The following PHF20 variants were observed in gnomAD, a reference collection of about 807,000 sequenced individuals.
The protein encoded by PHF20 is glioma-expressed antigen 2.
Under a neutral mutation model 113.5 loss-of-function variants are expected in PHF20, and 23 were observed. The observed-to-expected ratio is 0.20, with a 90% confidence interval of 0.15 to 0.29. The LOEUF (loss-of-function observed/expected upper bound fraction) is 0.29, where lower values mean the gene tolerates loss of function less well. Ranked by LOEUF, PHF20 falls within the 10% of genes least tolerant of loss-of-function variation. The pLI is 1.00. For missense variants in PHF20, 943 were observed against 1,219.6 expected, an observed-to-expected ratio of 0.77 and a Z score of 3.38; for synonymous variants, 434 against 457.3, an observed-to-expected ratio of 0.95 and a Z score of 0.65.
intron 3 of PHF20, among the ~76,000 whole-genome samples, 188 bp downstream of exon 3, chr20:35,842,932 G>A (rs910047429): frequency 1.3e-5 from 2 of 152,036 alleles, no homozygotes; most frequent in Non-Finnish European, 2.9e-5. Context: ...TTTTTGAGAC[G>A]GAGTCTCGCT....
chr20:35,863,921 G>T (rs1022492191), intron 6 of PHF20, among the ~76,000 whole-genome samples: 4 of 152,200 alleles, frequency 2.6e-5, no homozygotes, highest in Non-Finnish European at 5.9e-5. Context: ...TAAATAAAAA[G>T]CCGAGATGGC....
At chr20:35,864,407 AACAC>A (rs376477234) in intron 6 of PHF20, among the ~76,000 whole-genome samples, 7,751 of 132,422 alleles carry the variant, frequency 0.059, 255 homozygotes, top group African/African-American at 0.1. Flanking sequence ...CCCATCTCAA[AACAC>A]ACACACACAC....
intron 9 of PHF20, among the ~76,000 whole-genome samples, chr20:35,881,849 CAT>C (rs1157722848): frequency 4.6e-5 from 7 of 152,234 alleles, no homozygotes; most frequent in Non-Finnish European, 1.0e-4. Flanking sequence ...GCCTCAGGGC[CAT>C]ACACTGGCCT....
At chr20:35,786,875 A>T (rs1010835180) in intron 1 of PHF20, among the ~76,000 whole-genome samples, 1 of 152,108 alleles carries the variant, frequency 6.6e-6, no homozygotes, top group African/African-American at 2.4e-5. Context: ...GCACGCAAGG[A>T]GTAATAATAG....
At chr20:35,806,200 G>A (rs1350479539) in intron 2 of PHF20, among the ~76,000 whole-genome samples, 1 of 107,394 alleles carries the variant, frequency 9.3e-6, no homozygotes, top group Non-Finnish European at 1.8e-5. Context: ...TCACTCTGTT[G>A]CCTAGGCTGG....
At position 35,909,901 on chromosome 20, in the gene PHF20, T is replaced by C. The variant is rs536753747; in HGVS notation, c.1562-3348T>C. Among the ~76,000 whole-genome samples the C allele has an allele frequency of 5.9e-5, 9 of 152,334 alleles. No homozygotes were observed. In the South Asian group the frequency reaches 1.9e-3, roughly 32 times the overall value. On this transcript the variant is annotated intron_variant, in intron 10 of 17. Transcript: ENST00000374012. Reference sequence around the variant, plus strand: ...AATTTGCTTTTAAATACCTATGTGATGTCAGGTGGGTGATTTCACCTCTCT... The same window carrying C: ...AATTTGCTTTTAAATACCTATGTGACGTCAGGTGGGTGATTTCACCTCTCT...
intron 5 of PHF20, among the ~76,000 whole-genome samples, chr20:35,862,485 T>C (rs1325778898): frequency 1.3e-5 from 2 of 152,114 alleles, no homozygotes; most frequent in African/African-American, 2.4e-5. Context: ...CCCAATACTT[T>C]AGGAGGCTGA....
At chr20:35,780,885 A>C (rs1284288798) in intron 1 of PHF20, among the ~76,000 whole-genome samples, 3 of 100,530 alleles carry the variant, frequency 3.0e-5, no homozygotes, top group South Asian at 2.8e-4. Flanking sequence ...ATGGAGTTTC[A>C]CCTTGTAGCC....
At chr20:35,919,165 T>A (rs2055462173) in intron 13 of PHF20, among the ~76,000 whole-genome samples, 1 of 151,792 alleles carries the variant, frequency 6.6e-6, no homozygotes, top group Non-Finnish European at 1.5e-5. Flanking sequence ...TACAGGCATG[T>A]GCTACCACGC....
chr20:35,798,625 T>C (rs1454827774), intron 1 of PHF20, among the ~76,000 whole-genome samples: 1 of 152,024 alleles, frequency 6.6e-6, no homozygotes, highest in Non-Finnish European at 1.5e-5. Flanking sequence ...TGGCTAATTT[T>C]GTATTTTTAG....
chr20:35,833,291 C>T (rs148871087), intron 2 of PHF20, among the ~76,000 whole-genome samples: 7 of 152,156 alleles, frequency 4.6e-5, no homozygotes, highest in Non-Finnish European at 7.4e-5. Context: ...AAGCTTATTA[C>T]GGTAACCTTA....
Position 35,863,337 on chromosome 20 carries a change from C to T in PHF20, c.745C>T (p.Pro249Ser). ...ACCTGAAAATGACATTGTGAAGAGT[C>T]CACAAGAAAACTTGAGGGAACCCAA... is the stretch of plus-strand genomic sequence containing the variant. ...KKPENDIVKSPQENLREPKRK... is the reference protein window; with the variant it reads ...KKPENDIVKSSQENLREPKRK... Residue 249 changes from proline to serine, a missense_variant, in exon 6 of 18, where the codon CCA (proline) becomes TCA (serine). Pro to Ser is a moderately conservative substitution (Grantham distance 74). Around this residue, in one of 3 missense-constraint regions of PHF20, gnomAD observed 592 missense variants for 787.2 expected, o/e 0.75. Transcript: ENST00000374012. 2 of 1,612,276 alleles carry T rather than the reference C, an allele frequency of 1.2e-6. No individual in the cohort carries two copies. The highest frequency in any genetic ancestry group is 1.7e-6 in the Non-Finnish European group (2 of 1,179,576).
chr20:35,854,462 T>C (rs2042793886), intron 4 of PHF20, among the ~76,000 whole-genome samples: 1 of 152,220 alleles, frequency 6.6e-6, no homozygotes, highest in African/African-American at 2.4e-5. Context: ...AGAACTCTAT[T>C]ATTAGCTACC....
At chr20:35,925,046 T>C (rs911140526) in intron 13 of PHF20, among the ~76,000 whole-genome samples, 1 of 152,184 alleles carries the variant, frequency 6.6e-6, no homozygotes, top group Non-Finnish European at 1.5e-5. Flanking sequence ...TCTAAATGCA[T>C]TTGAATCCTT....
At chr20:35,873,466 G>GTTTTT (rs759056358) in intron 9 of PHF20, among the ~76,000 whole-genome samples, 2 of 82,364 alleles carry the variant, frequency 2.4e-5, no homozygotes, top group Admixed American at 1.3e-4. Context: ...CTGTTTTTTT[G>GTTTTT]TTTTTTTTTT....
intron 2 of PHF20, among the ~76,000 whole-genome samples, chr20:35,807,781 A>G (rs970292914): frequency 1.3e-5 from 2 of 152,170 alleles, no homozygotes; most frequent in African/African-American, 2.4e-5. Context: ...GATTTATGAC[A>G]TTTATGAGAT....
chr20:35,854,407 C>T (rs915645421), intron 4 of PHF20, among the ~76,000 whole-genome samples: 1 of 152,114 alleles, frequency 6.6e-6, no homozygotes, highest in Admixed American at 6.6e-5. Flanking sequence ...ATTTTGAGTT[C>T]CTTCATTTAC....
At chr20:35,938,020 C>T (rs1307494578) in intron 15 of PHF20, among the ~76,000 whole-genome samples, 1 of 152,060 alleles carries the variant, frequency 6.6e-6, no homozygotes, top group Non-Finnish European at 1.5e-5. Context: ...AACAGGCACC[C>T]GCCACCACGT....
intron 9 of PHF20, among the ~76,000 whole-genome samples, chr20:35,881,958 C>T (rs759408957): frequency 6.6e-5 from 10 of 152,176 alleles, no homozygotes; most frequent in African/African-American, 9.7e-5. Flanking sequence ...GCATAACTTA[C>T]GGATTCTAGT....
Sources: gnomAD v4.1 joint callset for allele counts (sites outside exome capture counted in the v4.1 genomes callset) on GRCh38, gnomAD v4.1.1 for gene constraint, gnomAD v4.1.1 regional missense constraint, MANE v1.5 for transcripts, NCBI Gene and HGNC (gene_info 2026-07-23, HGNC 2026-07-21) for gene names.